SQOR: variants seen among roughly 807,000 people sequenced by gnomAD.
The protein encoded by SQOR is sulfide quinone oxidoreductase, also known as sulfide:quinone oxidoreductase, mitochondrial.
A neutral mutation model predicts 48.6 loss-of-function variants in SQOR; 39 were observed. The ratio of observed to expected loss-of-function variants is 0.80; its 90% CI spans 0.62 to 1.05. The LOEUF (loss-of-function observed/expected upper bound fraction) is 1.05. SQOR is among the 50% of genes least tolerant of loss of function. SQOR has a pLI of 0.00. For missense variants in SQOR, 561 were observed against 559.9 expected, an observed-to-expected ratio of 1.00 and a Z score of -0.02; for synonymous variants, 220 against 206.2, an observed-to-expected ratio of 1.07 and a Z score of -0.57.
chr15:45,642,602 C>T (rs1008190361), intron 1 of SQOR, among the ~76,000 whole-genome samples: 13 of 152,154 alleles, frequency 8.5e-5, no homozygotes, highest in Non-Finnish European at 1.5e-4. Flanking sequence ...TCATTTCTCC[C>T]TCTTCCCAGA....
intron 2 of SQOR, among the ~76,000 whole-genome samples, chr15:45,661,277 C>T (rs1176917134): frequency 7.4e-5 from 6 of 81,352 alleles, no homozygotes; most frequent in Admixed American, 1.8e-4. Flanking sequence ...GGTGATTGGG[C>T]GAGACTCTGT....
At chr15:45,668,334 C>T (rs376083745) in intron 3 of SQOR, among the ~76,000 whole-genome samples, 6 of 152,206 alleles carry the variant, frequency 3.9e-5, no homozygotes, top group African/African-American at 1.2e-4. Context: ...TCACAAGCAA[C>T]TGAAATCATT....
chr15:45,638,137 G>GA (rs1192031678), intron 1 of SQOR, among the ~76,000 whole-genome samples: 1 of 152,088 alleles, frequency 6.6e-6, no homozygotes, highest in African/African-American at 2.4e-5. Context: ...GAACTTTGTG[G>GA]AAAAAAACAA....
Position 45,685,869 on chromosome 15 carries a change from C to T in SQOR, c.1049-2468C>T, listed in dbSNP as rs576981653. Among the ~76,000 whole-genome samples, 34 of 152,202 alleles carry T rather than the reference C, an allele frequency of 2.2e-4. 1 individual carries two copies. The South Asian group carries it at 4.6e-3, about 20-fold the overall frequency. On this transcript the variant is annotated intron_variant, in intron 7 of 9. Coordinates refer to ENST00000260324, the MANE Select transcript of SQOR (RefSeq NM_021199.4). The stretch of plus-strand genomic sequence containing the variant: ...TTTTTGTTTTTTAGAGACAAGGTCT[C>T]GCTCTGTCGCCCAGGGTGGAGTGTA...
intron 3 of SQOR, among the ~76,000 whole-genome samples, chr15:45,669,575 TCACTGTGTAAA>T (rs1889900732): frequency 1.3e-5 from 2 of 152,206 alleles, no homozygotes; most frequent in South Asian, 2.1e-4. Flanking sequence ...TTGTGGCCTC[TCACTGTGTAAA>T]CACATAGCTG....
At chr15:45,664,435 G>C (rs1260391569) in intron 3 of SQOR, among the ~76,000 whole-genome samples, 3 of 151,940 alleles carry the variant, frequency 2.0e-5, no homozygotes, top group Non-Finnish European at 4.4e-5. Context: ...AGGTATATGT[G>C]TCCCCCCCAT....
At chr15:45,690,920 A>C (rs1890312233) in intron 9 of SQOR, 53 bp from the exon 10 acceptor site, 11 of 1,508,388 alleles carry the variant, frequency 7.3e-6, no homozygotes, top group Non-Finnish European at 1.0e-5. Context: ...TCCTGACTGA[A>C]GTCGCCCCAT....
At chr15:45,664,759 A>T (rs1372411975) in intron 3 of SQOR, among the ~76,000 whole-genome samples, 1 of 152,178 alleles carries the variant, frequency 6.6e-6, no homozygotes, top group African/African-American at 2.4e-5. Flanking sequence ...ATCCTGAAAA[A>T]GTATAGTTGT....
At chr15:45,635,185 G>A (rs1894979806) in intron 1 of SQOR, 77 bp downstream of exon 1, 1 of 152,402 alleles carries the variant, frequency 6.6e-6, no homozygotes, top group African/African-American at 2.4e-5. Context: ...CCACCACTGA[G>A]GCTGTTTGTT....
At chr15:45,667,772 G>C (rs958513833) in intron 3 of SQOR, among the ~76,000 whole-genome samples, 24 of 151,938 alleles carry the variant, frequency 1.6e-4, no homozygotes, top group Non-Finnish European at 4.4e-5. Flanking sequence ...TGTTTCCAGT[G>C]GTCATATGTT....
At chr15:45,649,615 G>A (rs1010509502) in intron 1 of SQOR, among the ~76,000 whole-genome samples, 2 of 152,068 alleles carry the variant, frequency 1.3e-5, no homozygotes, top group South Asian at 4.1e-4. Context: ...GAGTAGCTGG[G>A]ATTACAGGCA....
chr15:45,658,786 A>G (rs536803617), intron 1 of SQOR, 121 bp from the exon 2 acceptor site: 2 of 745,608 alleles, frequency 2.7e-6, no homozygotes, highest in South Asian at 4.3e-5. Context: ...TGGTCTTGAG[A>G]GATGATGGGG....
intron 3 of SQOR, among the ~76,000 whole-genome samples, chr15:45,662,695 G>A (rs1889743720): frequency 6.6e-6 from 1 of 152,186 alleles, no homozygotes; most frequent in South Asian, 2.1e-4. Context: ...AGGGGTCAAA[G>A]CTTTTCAGCA....
At chr15:45,634,401 C>T (rs551049354), upstream of SQOR, among the ~76,000 whole-genome samples, 7 of 151,738 alleles carry the variant, frequency 4.6e-5, no homozygotes, top group East Asian at 1.2e-3. Flanking sequence ...GAACCACTCA[C>T]TGAGACTTTA....
intron 9 of SQOR, 121 bp downstream of exon 9, chr15:45,689,338 T>A: frequency 1.1e-6 from 1 of 888,408 alleles, no homozygotes; most frequent in Non-Finnish European, 1.7e-6. Context: ...TTCCATGCTC[T>A]AGGCCCTCTT....
At chr15:45,639,234 G>A (rs1595569030) in intron 1 of SQOR, among the ~76,000 whole-genome samples, 1 of 152,202 alleles carries the variant, frequency 6.6e-6, no homozygotes, top group Non-Finnish European at 1.5e-5. Context: ...GCCTGAAGTT[G>A]TTAAAGCCAT....
At chr15:45,673,927 A>G (rs2140956351) in intron 5 of SQOR, 126 bp downstream of exon 5, 13 of 880,562 alleles carry the variant, frequency 1.5e-5, no homozygotes, top group Admixed American at 3.0e-5. Context: ...CATGTGTACA[A>G]AATTAGTTAA....
At chr15:45,686,397 C>G (rs1776783041) in intron 7 of SQOR, among the ~76,000 whole-genome samples, 1 of 152,136 alleles carries the variant, frequency 6.6e-6, no homozygotes, top group African/African-American at 2.4e-5. Context: ...AGTGATCCAC[C>G]CACCTCAGCC....
intron 4 of SQOR, among the ~76,000 whole-genome samples, chr15:45,671,952 T>G (rs1469877811): frequency 6.6e-6 from 1 of 152,202 alleles, no homozygotes; most frequent in Non-Finnish European, 1.5e-5. Context: ...TAGCTCTCTC[T>G]GCTTCAGAAT....
Sources: gnomAD v4.1 joint callset for allele counts (sites outside exome capture counted in the v4.1 genomes callset) on GRCh38, gnomAD v4.1.1 for gene constraint, MANE v1.5 for transcripts, NCBI Gene and HGNC (gene_info 2026-07-23, HGNC 2026-07-21) for gene names.